Variants in CAMTA1 observed in about 807,000 individuals in gnomAD.
CAMTA1 encodes the protein calmodulin-binding transcription activator 1.
A neutral mutation model predicts 170.9 loss-of-function variants in CAMTA1; 27 were observed. The observed-to-expected ratio is 0.16, with a 90% CI of 0.12 to 0.22. The LOEUF is 0.22. Among genes scored for constraint, CAMTA1 ranks in the 10% least tolerant of loss-of-function variants. The probability of loss-of-function intolerance (pLI) is 1.00; values close to 1 mark genes in which losing one functional copy is unlikely to be tolerated. For missense variants in CAMTA1, 1,619 were observed against 2,217.2 expected (o/e 0.73, Z 5.42); for synonymous variants, 833 against 891.5 (o/e 0.93, Z 1.17).
intron 3 of CAMTA1, among the ~76,000 whole-genome samples, chr1:7,049,450 T>TTTTG (rs556229091): frequency 1.1e-3 from 172 of 152,222 alleles, no homozygotes; most frequent in Admixed American, 1.6e-3. Context: ...TGTTGGGGTT[T>TTTTG]TTTGTTTGTT....
At chr1:7,149,866 T>C (rs1259844478) in intron 4 of CAMTA1, among the ~76,000 whole-genome samples, 1 of 152,134 alleles carries the variant, frequency 6.6e-6, no homozygotes, top group Non-Finnish European at 1.5e-5. Flanking sequence ...GAGCAGCATG[T>C]TTATGGCAAA....
chr1:7,530,634 A>G (rs888197205), intron 6 of CAMTA1, among the ~76,000 whole-genome samples: 2 of 152,156 alleles, frequency 1.3e-5, no homozygotes, highest in South Asian at 4.1e-4. Context: ...ACTTGGATCT[A>G]TCTGAGTCAA....
chr1:6,808,595 C>T (rs1427941042), intron 1 of CAMTA1, among the ~76,000 whole-genome samples: 1 of 152,116 alleles, frequency 6.6e-6, no homozygotes, highest in Non-Finnish European at 1.5e-5. Flanking sequence ...CATAGCACTA[C>T]GTGGTTTTCC....
chr1:7,483,065 A>T (rs573696562), intron 6 of CAMTA1, among the ~76,000 whole-genome samples: 6 of 152,134 alleles, frequency 3.9e-5, no homozygotes, highest in African/African-American at 9.6e-5. Flanking sequence ...TCTGCATTCA[A>T]TATGTCTCAG....
rs74962865 is a variant in CAMTA1, at chr1:7,426,814, C to T, written c.439-41016C>T. On this transcript the variant is annotated intron_variant, in intron 5 of 22. Transcript: ENST00000303635. The surrounding 1 kb of genome is among the most constrained non-coding windows in gnomAD (Gnocchi z 4.8). ...CACGTGACTTAAAAATAATGGCTTT[C>T]GTAGAATTGCAAAATTAGAGTTAAA... 3.2e-3 allele frequency among the ~76,000 whole-genome samples: 483 copies of T among 152,264 alleles called. 2 individuals are homozygous for T. The highest frequency in any genetic ancestry group is 0.01 in the African/African-American group (418 of 41,538).
chr1:7,208,886 G>A (rs1658244271), intron 4 of CAMTA1, among the ~76,000 whole-genome samples: 2 of 152,176 alleles, frequency 1.3e-5, no homozygotes, highest in African/African-American at 2.4e-5. Context: ...CAGCACTTGA[G>A]CCCTTCGTAT....
chr1:7,446,582 T>TA (rs1557728647), intron 5 of CAMTA1, among the ~76,000 whole-genome samples: 1 of 152,208 alleles, frequency 6.6e-6, no homozygotes, highest in Non-Finnish European at 1.5e-5. Flanking sequence ...AGAAAGGTGA[T>TA]ACGGCAAACG....
At chr1:7,418,489 G>A (rs147729193) in intron 5 of CAMTA1, among the ~76,000 whole-genome samples, 18 of 152,226 alleles carry the variant, frequency 1.2e-4, no homozygotes, top group Admixed American at 3.3e-4. Context: ...ATGAGCCACC[G>A]TGCCTGGCTT....
intron 11 of CAMTA1, among the ~76,000 whole-genome samples, chr1:7,687,417 G>A (rs878590): frequency 1.2e-3 from 185 of 152,198 alleles, no homozygotes; most frequent in African/African-American, 4.3e-3. Flanking sequence ...GAGGCAAGAG[G>A]GAGCTCCACG....
intron 3 of CAMTA1, among the ~76,000 whole-genome samples, chr1:6,872,241 A>G (rs139997654): frequency 1.3e-5 from 2 of 150,808 alleles, no homozygotes; most frequent in African/African-American, 4.9e-5. Flanking sequence ...CATCACCACC[A>G]CCACCACCAC....
At chr1:6,964,125 C>A (rs1405490678) in intron 3 of CAMTA1, among the ~76,000 whole-genome samples, 1 of 151,826 alleles carries the variant, frequency 6.6e-6, no homozygotes, top group East Asian at 1.9e-4. Context: ...ACCTTGGGTG[C>A]CCAGGTAGGG....
chr1:7,047,720 TC>T (rs1473305923), intron 3 of CAMTA1, among the ~76,000 whole-genome samples: 5 of 135,488 alleles, frequency 3.7e-5, no homozygotes, highest in South Asian at 2.1e-4. Context: ...TCTCTCTCTC[TC>T]TTTTTTTTTT....
At chr1:6,857,121 G>T (rs1662730541) in intron 3 of CAMTA1, among the ~76,000 whole-genome samples, 1 of 148,336 alleles carries the variant, frequency 6.7e-6, no homozygotes, top group South Asian at 2.1e-4. Flanking sequence ...GGGATTGGAG[G>T]CAAGAATGGA....
Position 7,732,347 on chromosome 1 carries a change from C to A in CAMTA1, c.2915-101C>A. 1.0e-6 allele frequency: 1 copy of A among 975,936 alleles called. No individual in the cohort carries two copies. The highest frequency in any genetic ancestry group is 2.4e-5 in the East Asian group (1 of 40,936). The allele number at this position is 975,936 out of a possible 1,614,324, so 60.5% of individuals were successfully genotyped here. On this transcript the variant is annotated intron_variant, in intron 11 of 22. Coordinates refer to ENST00000303635, the MANE Select transcript of CAMTA1 (RefSeq NM_015215.4). This position sits in a 1 kb window ranked among gnomAD's most constrained non-coding sequence, Gnocchi z 4.1. Reference sequence around the variant, plus strand: ...AGACCTCTCTGGTTTGGTGAAGTTACGGACGGCATTTGGATGCTGGTCCCG... The same window carrying A: ...AGACCTCTCTGGTTTGGTGAAGTTAAGGACGGCATTTGGATGCTGGTCCCG...
chr1:6,992,149 A>G (rs1244142862), intron 3 of CAMTA1, among the ~76,000 whole-genome samples: 1 of 152,212 alleles, frequency 6.6e-6, no homozygotes, highest in Non-Finnish European at 1.5e-5. Context: ...GCCTCACTGC[A>G]GCCCTGACAC....
At chr1:6,871,925 C>G (rs12728336) in intron 3 of CAMTA1, 1 of 1,334,948 alleles carries the variant, frequency 7.5e-7, no homozygotes, top group Non-Finnish European at 9.6e-7. Flanking sequence ...GTGTAACACG[C>G]TGATTTCCTC....
chr1:7,477,732 T>C (rs2149601110), intron 6 of CAMTA1, among the ~76,000 whole-genome samples: 1 of 152,308 alleles, frequency 6.6e-6, no homozygotes, highest in Non-Finnish European at 1.5e-5. Flanking sequence ...CCAGTCGGCT[T>C]TCTCAGAGGG....
At chr1:6,832,919 C>G (rs1228172326) in intron 3 of CAMTA1, among the ~76,000 whole-genome samples, 1 of 152,056 alleles carries the variant, frequency 6.6e-6, no homozygotes, top group Non-Finnish European at 1.5e-5. Context: ...AAATATAGTT[C>G]CTCTGTTTGC....
chr1:7,234,788 C>T lies in CAMTA1; in HGVS notation c.303-14703C>T, dbSNP rs372619844. On this transcript the variant is annotated intron_variant, in intron 4 of 22. Transcript: ENST00000303635. This position sits in a 1 kb window ranked among gnomAD's most constrained non-coding sequence, Gnocchi z 5.0. ...GGGAAATTGGAAAATACAAGTTGAC[C>T]TTTTTTTTTTTTTTTTTAGATAGAG... is the stretch of plus-strand genomic sequence containing the variant. Among the ~76,000 whole-genome samples the T allele has an allele frequency of 4.4e-5, 6 of 136,398 alleles. No individual in the cohort carries two copies. The highest frequency in any genetic ancestry group is 2.2e-4 in the East Asian group (1 of 4,598). 89.5% of individuals were successfully genotyped at this position (136,398 alleles called of 152,430 possible). A position where few individuals can be genotyped will look rare whatever the true frequency, so the allele number is the denominator to read the frequency against.
Sources: allele counts gnomAD v4.1 joint callset (sites outside exome capture counted in the v4.1 genomes callset), GRCh38; gene constraint gnomAD v4.1.1; non-coding constraint Gnocchi (gnomAD v3.1); transcripts MANE v1.5; gene names NCBI Gene and HGNC (gene_info 2026-07-23, HGNC 2026-07-21).